B4GALNT4: variants seen among roughly 807,000 people sequenced by gnomAD.
B4GALNT4 encodes beta-1,4-N-acetyl-galactosaminyltransferase 4, also known as N-acetyl-beta-glucosaminyl-glycoprotein 4-beta-N-acetylgalactosaminyltransferase 1.
A neutral mutation model predicts 110.0 loss-of-function variants in B4GALNT4; 77 were observed. That is an observed-to-expected ratio of 0.70 (90% CI 0.58 to 0.85). The LOEUF is 0.85. Ranked by LOEUF, B4GALNT4 falls within the 40% of genes least tolerant of loss-of-function variation. The probability of loss-of-function intolerance (pLI) is 0.00; values close to 1 mark genes in which losing one functional copy is unlikely to be tolerated. For synonymous variants in B4GALNT4, 785 were observed against 655.5 expected, an observed-to-expected ratio of 1.20 and a Z score of -3.02; for missense variants, 1,575 against 1,506.0, an observed-to-expected ratio of 1.05 and a Z score of -0.76.
chr11:376,848 C>T lies in B4GALNT4; in HGVS notation c.1725C>T (p.His575=), dbSNP rs1846767131. 7.5e-7 allele frequency: 1 copy of T among 1,326,486 alleles called. No individual in the cohort carries two copies. The allele number at this position is 1,326,486 out of a possible 1,614,324, so 82.2% of individuals were successfully genotyped here. The change falls in exon 14 of 20, where the codon CAC becomes CAT. Residue 575 remains histidine (H), a synonymous_variant. Transcript: ENST00000329962. ...CGCCCCCACGCCCACCCCGGCCCCACGGCCGCAGGACCGGCGGCCCCCAGG... is the reference window on the plus strand; with the variant it reads ...CGCCCCCACGCCCACCCCGGCCCCATGGCCGCAGGACCGGCGGCCCCCAGG... ...LRAPPRPPRP[H]GRRTGGPQAT... is the part of the protein sequence containing the mutation.
At position 373,133 on chromosome 11, in the gene B4GALNT4, G is replaced by A; in HGVS notation, c.535+17G>A. 1.2e-6 allele frequency: 2 copies of A among 1,612,516 alleles called. No homozygotes were observed. The highest frequency in any genetic ancestry group is 1.7e-6 in the Non-Finnish European group (2 of 1,179,810). ...CGAGGGACGGTACGGGGGTGAGGGT[G>A]CCCCGGGGGAGGGGTGCCGTGAGGC... is the stretch of plus-strand genomic sequence containing the variant. On this transcript the variant is annotated intron_variant, in intron 5 of 19. Coordinates refer to ENST00000329962, the MANE Select transcript of B4GALNT4 (RefSeq NM_178537.5).
Position 380,342 on chromosome 11 carries a change from C to A in B4GALNT4, c.2766C>A (p.Pro922=), listed in dbSNP as rs1395022107. The A allele has an allele frequency of 1.9e-6, 3 of 1,613,278 alleles. No individual in the cohort carries two copies. Among genetic ancestry groups the A allele is most frequent in the Non-Finnish European group, 2.5e-6 (3 of 1,179,774 alleles). Residue 922 remains proline, a synonymous_variant, in exon 18 of 20, where the codon CCC becomes CCA. Coordinates refer to ENST00000329962, the MANE Select transcript of B4GALNT4 (RefSeq NM_178537.5). Reference sequence around the variant, plus strand: ...GCGACCTGCACATCCACTTCCCACCCAACATCCTGGACGGCATCCGCAAGC... The same window carrying A: ...GCGACCTGCACATCCACTTCCCACCAAACATCCTGGACGGCATCCGCAAGC... ...FLCDLHIHFP[P]NILDGIRKHC...
Position 381,730 on chromosome 11 carries a change from C to A in B4GALNT4, c.3058C>A (p.His1020Asn). 6.3e-7 allele frequency: 1 copy of A among 1,592,686 alleles called. No individual in the cohort carries two copies. Among genetic ancestry groups the A allele is most frequent in the South Asian group, 1.1e-5 (1 of 89,534 alleles). The change falls in exon 20 of 20, where the codon CAC becomes AAC. Residue 1020 changes from histidine (H) to asparagine (N), a missense_variant. Transcript: ENST00000329962. Reference sequence around the variant, plus strand: ...ACTGCGGAATTTCTATCACCACTACCACTCCAAGAGGGGCATGTGGAGCGT... The same window carrying A: ...ACTGCGGAATTTCTATCACCACTACAACTCCAAGAGGGGCATGTGGAGCGT... ...LRLRNFYHHY[H>N]SKRGMWSVRS...
At chr11:371,924 T>C (rs11246138) in intron 1 of B4GALNT4, among the ~76,000 whole-genome samples, 185 bp from the exon 2 acceptor site, 77,899 of 152,138 alleles carry the variant, frequency 0.51, 20,790 homozygotes, top group African/African-American at 0.66. Context: ...GAAGTTGCCT[T>C]GCTGGGGGGA....
In B4GALNT4 at chr11:379,538, G is replaced by A; in HGVS notation, c.2325G>A (p.Glu775=). The A allele has an allele frequency of 6.3e-7, 1 of 1,588,438 alleles. No individual in the cohort carries two copies. The highest frequency in any genetic ancestry group is 8.5e-7 in the Non-Finnish European group (1 of 1,170,530). The change falls in exon 15 of 20, where the codon GAG becomes GAA. Residue 775 remains glutamate, a synonymous_variant. Transcript: ENST00000329962. The part of the protein sequence containing the change: ...ERGGGRLRLS[E]YVFLRLPGAR... ...GGGGCGGCCGCCTGCGACTGTCCGA[G>A]TACGTCTTCCTGCGGCTGCCGGGAG...
Position 373,494 on chromosome 11 carries a change from T to C in B4GALNT4, c.682T>C (p.Ser228Pro). 1.2e-6 allele frequency: 2 copies of C among 1,607,686 alleles called. No homozygotes were observed. Among genetic ancestry groups the C allele is most frequent in the Non-Finnish European group, 1.7e-6 (2 of 1,178,328 alleles). Reference sequence around the variant, plus strand: ...GCCTGGAGAATTCACCAAGTTCAGCTCCCAGGTGTCCAAGCCCAGGCGGTG... The same window carrying C: ...GCCTGGAGAATTCACCAAGTTCAGCCCCCAGGTGTCCAAGCCCAGGCGGTG... ...TAPGEFTKFS[S>P]QVSKPRRLMA... is the part of the protein sequence containing the mutation. The change falls in exon 7 of 20, where the codon TCC (serine) becomes CCC (proline). Residue 228 changes from serine (S) to proline (P), a missense_variant. By Grantham distance (74) the Ser-to-Pro change is moderately conservative. Transcript: ENST00000329962.
chr11:374,363 G>C (rs377156637), intron 8 of B4GALNT4, among the ~76,000 whole-genome samples: 3 of 151,360 alleles, frequency 2.0e-5, no homozygotes, highest in Admixed American at 2.0e-4. Flanking sequence ...GGGGGAAGGC[G>C]GAAGGGGTTA....
Position 380,111 on chromosome 11 carries a change from T to A in B4GALNT4, c.2643-19T>A. ...TGACCCCACCCCCAGAGATCGTGCC[T>A]GTGACTCGCCCTCCCCAGGTACCAG... is the stretch of plus-strand genomic sequence containing the variant. On this transcript the variant is annotated intron_variant, in intron 16 of 19. Transcript: ENST00000329962. The A allele has an allele frequency of 6.3e-7, 1 of 1,595,836 alleles. No individual in the cohort carries two copies. The highest frequency in any genetic ancestry group is 8.6e-7 in the Non-Finnish European group (1 of 1,168,216).
At position 373,744 on chromosome 11, in the gene B4GALNT4, C is replaced by A; in HGVS notation, c.705-6C>A. 6.2e-7 allele frequency: 1 copy of A among 1,612,018 alleles called. No homozygotes were observed. On this transcript the variant is annotated splice_region_variant and splice_polypyrimidine_tract_variant and intron_variant, in intron 7 of 19. Coordinates refer to ENST00000329962, the MANE Select transcript of B4GALNT4 (RefSeq NM_178537.5). ...ATGGCACGACCCTTGCTCCTCGTGT[C>A]CCCAGGCTCATGGCCTCCCGGAGGT...
chr11:378,014 G>A (rs1331932965), intron 14 of B4GALNT4, among the ~76,000 whole-genome samples: 1 of 152,222 alleles, frequency 6.6e-6, no homozygotes, highest in Admixed American at 6.5e-5. Flanking sequence ...ACAGGCAGAG[G>A]CAGGGGCAGA....
chr11:380,628 A>G, intron 18 of B4GALNT4, 183 bp downstream of exon 18: 1 of 1,253,464 alleles, frequency 8.0e-7, no homozygotes, highest in Middle Eastern at 1.8e-4. Flanking sequence ...CAGGGGCCCC[A>G]GGAACCTCCT....
intron 8 of B4GALNT4, among the ~76,000 whole-genome samples, chr11:374,351 A>G (rs1471771195): frequency 2.0e-5 from 3 of 151,280 alleles, no homozygotes; most frequent in Non-Finnish European, 4.4e-5. Flanking sequence ...GTGGGGATGG[A>G]CGGGGGAAGG....
At chr11:381,033 C>T in intron 19 of B4GALNT4, 82 bp downstream of exon 19, 1 of 1,528,944 alleles carries the variant, frequency 6.5e-7, no homozygotes, top group Non-Finnish European at 8.8e-7. Flanking sequence ...GATTTATGCC[C>T]CCCACGGCGC....
At chr11:371,551 C>T (rs895049949) in intron 1 of B4GALNT4, among the ~76,000 whole-genome samples, 25 of 152,248 alleles carry the variant, frequency 1.6e-4, no homozygotes, top group Non-Finnish European at 3.2e-4. Context: ...CCAGGGCCAC[C>T]CTCTGCTCCA....
rs1168693406 is a variant in B4GALNT4, at chr11:379,631, C to T, written c.2418C>T (p.Gly806=). The part of the protein sequence containing the change: ...PAPAASVRPD[G]RPELCRPLRL... ...CCGCCGCCTCCGTGCGCCCCGACGG[C>T]CGCCCCGAGCTCTGCCGGCCACTGC... is the stretch of plus-strand genomic sequence containing the variant. The change falls in exon 15 of 20, where the codon GGC becomes GGT. Residue 806 remains glycine, a synonymous_variant. Transcript: ENST00000329962. 1.3e-6 allele frequency: 2 copies of T among 1,514,564 alleles called. No homozygotes were observed. Among genetic ancestry groups the T allele is most frequent in the African/African-American group, 2.8e-5 (2 of 70,914 alleles). The allele number at this position is 1,514,564 out of a possible 1,614,324, so 93.8% of individuals were successfully genotyped here.
rs777750935 is a variant in B4GALNT4 at position 379,929 on chromosome 11, C to G, written c.2552C>G (p.Thr851Ser). The G allele has an allele frequency of 6.2e-7, 1 of 1,611,416 alleles. No individual in the cohort carries two copies. Among genetic ancestry groups the G allele is most frequent in the Non-Finnish European group, 8.5e-7 (1 of 1,179,822 alleles). Reference sequence around the variant, plus strand: ...GACATGGCTGCGCTGCACGCGCGCACCGGGGACTCGCGTTTCAGCGTCGTC... The same window carrying G: ...GACATGGCTGCGCTGCACGCGCGCAGCGGGGACTCGCGTTTCAGCGTCGTC... ...LADMAALHARTGDSRFSVVLV... is the reference protein window; with the variant it reads ...LADMAALHARSGDSRFSVVLV... The change falls in exon 16 of 20, where the codon ACC becomes AGC. Residue 851 changes from threonine (T) to serine (S), a missense_variant. Coordinates refer to ENST00000329962, the MANE Select transcript of B4GALNT4 (RefSeq NM_178537.5).
chr11:373,165 C>A (rs1454937569), intron 5 of B4GALNT4, 26 bp from the exon 6 acceptor site: 9 of 1,611,892 alleles, frequency 5.6e-6, no homozygotes, highest in Non-Finnish European at 7.6e-6. Flanking sequence ...AGGCTCCACC[C>A]CCCTGAGCCT....
At chr11:369,981 C>T (rs1183190529) in intron 1 of B4GALNT4, 27 bp downstream of exon 1, 1 of 45,056 alleles carries the variant, frequency 2.2e-5, no homozygotes, top group Non-Finnish European at 3.1e-5. Flanking sequence ...GCGGGGGGCG[C>T]GGGGGGCGGG....
rs142608783 is a variant in B4GALNT4, at chr11:372,134, C to A, written c.177C>A (p.Thr59=). 1.3e-6 allele frequency: 2 copies of A among 1,549,622 alleles called. No homozygotes were observed. Among genetic ancestry groups the A allele is most frequent in the East Asian group, 4.9e-5 (2 of 40,916 alleles). The change falls in exon 2 of 20, where the codon ACC becomes ACA. Residue 59 remains threonine (T), a synonymous_variant. Coordinates refer to ENST00000329962, the MANE Select transcript of B4GALNT4 (RefSeq NM_178537.5). ...GRDGEKLTSE[T]DGRGVHAAPS... Reference sequence around the variant, plus strand: ...ATGGTGAGAAGCTGACCAGTGAGACCGACGGCCGGGGGGTCCACGCTGCGC... The same window carrying A: ...ATGGTGAGAAGCTGACCAGTGAGACAGACGGCCGGGGGGTCCACGCTGCGC...
Sources: allele counts gnomAD v4.1 joint callset (sites outside exome capture counted in the v4.1 genomes callset), GRCh38; gene constraint gnomAD v4.1.1; transcripts MANE v1.5; gene names NCBI Gene and HGNC (gene_info 2026-07-23, HGNC 2026-07-21).